NOTCH2: variants seen among roughly 807,000 people sequenced by gnomAD.
The protein encoded by NOTCH2 is notch receptor 2.
NOTCH2 carries 29 observed loss-of-function variants against 235.8 expected under a neutral mutation model. The ratio of observed to expected loss-of-function variants is 0.12; its 90% confidence interval spans 0.09 to 0.17. The LOEUF (loss-of-function observed/expected upper bound fraction) is 0.17, where lower values mean the gene tolerates loss of function less well. Among genes scored for constraint, NOTCH2 ranks in the 10% least tolerant of loss-of-function variants. NOTCH2 has a pLI of 1.00. For missense variants in NOTCH2, 2,285 were observed against 3,150.2 expected, an observed-to-expected ratio of 0.73 and a Z score of 6.57; for synonymous variants, 1,086 against 1,141.5, an observed-to-expected ratio of 0.95 and a Z score of 0.98.
In NOTCH2 at chr1:119,987,068, T is replaced by A; in HGVS notation, c.766A>T (p.Thr256Ser). ...CAGTCATCAATATTCCTCTCACAGG[T>A]GCTCCCTTCAAAACCTGGTAAATGA... ...CNCLPGFEGS[T>S]CERNIDDCPN... Residue 256 changes from threonine (T) to serine (S), a missense_variant, in exon 5 of 34, where the codon ACC becomes TCC. Coordinates refer to ENST00000256646, the MANE Select transcript of NOTCH2 (RefSeq NM_024408.4). 1 of 1,613,604 alleles carries A rather than the reference T, an allele frequency of 6.2e-7. No individual in the cohort carries two copies.
intron 6 of NOTCH2, among the ~76,000 whole-genome samples, chr1:119,969,012 A>C (rs1553200053): frequency 6.6e-6 from 1 of 152,234 alleles, no homozygotes. Context: ...AGTAGTTGTT[A>C]AATTGAGAGG....
chr1:120,029,595 C>G (rs1396189401), intron 2 of NOTCH2, among the ~76,000 whole-genome samples: 1 of 152,118 alleles, frequency 6.6e-6, no homozygotes, highest in Non-Finnish European at 1.5e-5. Flanking sequence ...GTGATTCGCC[C>G]AACACAGCCT....
At chr1:119,931,984 GTATA>G (rs57002170) in intron 22 of NOTCH2, among the ~76,000 whole-genome samples, 2 of 141,810 alleles carry the variant, frequency 1.4e-5, no homozygotes, top group Non-Finnish European at 3.1e-5. Flanking sequence ...ATATATGTGT[GTATA>G]TATATATATA....
intron 30 of NOTCH2, among the ~76,000 whole-genome samples, 185 bp downstream of exon 30, chr1:119,920,044 C>T (rs587755081): frequency 6.6e-6 from 1 of 152,320 alleles, no homozygotes; most frequent in South Asian, 2.1e-4. Context: ...AATGTGAAAT[C>T]CTTCCCTTTC....
chr1:119,936,459 G>A (rs113223145), intron 21 of NOTCH2, among the ~76,000 whole-genome samples: 3 of 152,178 alleles, frequency 2.0e-5, no homozygotes, highest in African/African-American at 7.2e-5. Context: ...GCTATGCAAA[G>A]CAGGCAAGCT....
chr1:120,063,142 A>G (rs1452223981), intron 1 of NOTCH2, among the ~76,000 whole-genome samples: 1 of 151,520 alleles, frequency 6.6e-6, no homozygotes, highest in African/African-American at 2.4e-5. Flanking sequence ...TTGTGAGAGG[A>G]GCAATCCTGT....
chr1:119,950,483 A>G lies in NOTCH2; in HGVS notation c.2479+241T>C, dbSNP rs1027874761. 14 of 649,454 alleles carry G rather than the reference A, an allele frequency of 2.2e-5. No individual in the cohort carries two copies. In the East Asian group the frequency reaches 4.3e-4, roughly 20 times the overall value. The allele number at this position is 649,454 out of a possible 1,614,324, so 40.2% of individuals were successfully genotyped here. A position where few individuals can be genotyped will look rare whatever the true frequency, so the allele number is the denominator to read the frequency against. The stretch of plus-strand genomic sequence containing the variant: ...TGGTTCCAGCCACATACAATTAAAA[A>G]AAAATTTCTTTCAAATACTAAAGTA... On this transcript the variant is annotated intron_variant, in intron 15 of 33. Coordinates refer to ENST00000256646, the MANE Select transcript of NOTCH2 (RefSeq NM_024408.4).
Position 119,921,828 on chromosome 1 carries a change from G to T in NOTCH2, c.5214-19C>A, listed in dbSNP as rs1457591692. 1 of 1,581,398 alleles carries T rather than the reference G, an allele frequency of 6.3e-7. No homozygotes were observed. Among genetic ancestry groups the T allele is most frequent in the Non-Finnish European group, 8.7e-7 (1 of 1,150,332 alleles). ...GAGATTTCTAATATGATTATAAAAA[G>T]AAAAAATAAGAATGGCAGTCATAAA... On this transcript the variant is annotated intron_variant, in intron 28 of 33. Transcript: ENST00000256646.
At chr1:119,965,665 G>T in intron 9 of NOTCH2, 99 bp from the exon 10 acceptor site, 1 of 859,464 alleles carries the variant, frequency 1.2e-6, no homozygotes, top group South Asian at 1.3e-5. Context: ...TATACCAATG[G>T]GTCAATAAGC....
In NOTCH2 at chr1:119,924,590, AC is replaced by A. The variant is rs587651663; in HGVS notation, c.4512-607del. Among the ~76,000 whole-genome samples, 9 of 152,258 alleles carry A rather than the reference AC, an allele frequency of 5.9e-5. No homozygotes were observed. In the South Asian group the frequency reaches 1.7e-3, roughly 28 times the overall value. On this transcript the variant is annotated intron_variant, in intron 25 of 33. Coordinates refer to ENST00000256646, the MANE Select transcript of NOTCH2 (RefSeq NM_024408.4). ...ACCCCCAAACCTAAATGATGTACAA[AC>A]TATTCCATCTATACTCTCCTCTCCT...
At chr1:119,950,380 A>T in intron 15 of NOTCH2, 1 of 424,688 alleles carries the variant, frequency 2.4e-6, no homozygotes, top group Non-Finnish European at 4.6e-6. Flanking sequence ...AATAAGTGGT[A>T]GCTGTATTAT....
Position 119,925,657 on chromosome 1 carries a change from C to T in NOTCH2, c.4159G>A (p.Gly1387Ser). Residue 1387 changes from glycine to serine, a missense_variant, in exon 25 of 34, where the codon GGC becomes AGC. Transcript: ENST00000256646. ...GCASSPCQHG[G>S]SCHPQRQPPY... is the part of the protein sequence containing the mutation. ...GGCTGGCGCTGAGGGTGGCAGCTGC[C>T]CCCGTGCTGGCAGGGGCTACTGGCA... The T allele has an allele frequency of 1.2e-6, 2 of 1,612,732 alleles. No individual in the cohort carries two copies. Among genetic ancestry groups the T allele is most frequent in the African/African-American group, 1.3e-5 (1 of 75,016 alleles).
chr1:119,978,116 G>A (rs1004236039), intron 5 of NOTCH2, among the ~76,000 whole-genome samples: 5 of 152,128 alleles, frequency 3.3e-5, no homozygotes, highest in Admixed American at 3.3e-4. Context: ...AGGCCTGGGA[G>A]GAGCGTGCCA....
At chr1:119,948,362 CCT>C in intron 17 of NOTCH2, 50 bp downstream of exon 17, 1 of 1,609,610 alleles carries the variant, frequency 6.2e-7, no homozygotes, top group South Asian at 1.1e-5. Context: ...TCCTCTGCTC[CCT>C]GTGTGTTTTC....
At chr1:120,045,887 G>T (rs1654766534) in intron 1 of NOTCH2, among the ~76,000 whole-genome samples, 2 of 152,256 alleles carry the variant, frequency 1.3e-5, no homozygotes, top group African/African-American at 4.8e-5. Context: ...CAGAAGCAGG[G>T]GAGGTGTAAG....
At chr1:119,947,125 G>C (rs984266242) in intron 17 of NOTCH2, among the ~76,000 whole-genome samples, 1 of 152,148 alleles carries the variant, frequency 6.6e-6, no homozygotes, top group Non-Finnish European at 1.5e-5. Context: ...TGGATTAGGT[G>C]AAGATTTGTT....
intron 5 of NOTCH2, among the ~76,000 whole-genome samples, chr1:119,980,242 G>T (rs587732654): frequency 9.2e-5 from 14 of 152,250 alleles, no homozygotes; most frequent in Admixed American, 7.8e-4. Context: ...TCCACTCTCT[G>T]ACTATAACTT....
At chr1:120,001,427 G>A (rs1225102802) in intron 3 of NOTCH2, among the ~76,000 whole-genome samples, 1 of 152,096 alleles carries the variant, frequency 6.6e-6, no homozygotes, top group Non-Finnish European at 1.5e-5. Context: ...CCCAGGCAGA[G>A]TTCACCACCT....
chr1:119,926,022 G>T (rs1003060714), intron 24 of NOTCH2, among the ~76,000 whole-genome samples: 1 of 152,164 alleles, frequency 6.6e-6, no homozygotes, highest in Non-Finnish European at 1.5e-5. Flanking sequence ...AGTGATAAAA[G>T]AATGGGTATA....
Sources: gnomAD v4.1 joint callset for allele counts (sites outside exome capture counted in the v4.1 genomes callset) on GRCh38, gnomAD v4.1.1 for gene constraint, MANE v1.5 for transcripts, NCBI Gene and HGNC (gene_info 2026-07-23, HGNC 2026-07-21) for gene names.